The following ODF1 variants were observed in gnomAD, a reference collection of about 807,000 sequenced individuals.
ODF1 encodes outer dense fiber protein 1.
A neutral mutation model predicts 24.0 loss-of-function variants in ODF1; 10 were observed. That is an observed-to-expected ratio of 0.42 (90% CI 0.26 to 0.71). ODF1 has a LOEUF of 0.71. Ranked by LOEUF, ODF1 falls within the 30% of genes least tolerant of loss-of-function variation. The pLI, the probability that ODF1 is intolerant of heterozygous loss-of-function variation, is 0.28. For synonymous variants in ODF1, 118 were observed against 121.3 expected (o/e 0.97, Z 0.18); for missense variants, 282 against 307.9 (o/e 0.92, Z 0.63).
chr8:102,556,286 T>A (rs2511707), intron 1 of ODF1, among the ~76,000 whole-genome samples: 132,104 of 152,150 alleles, frequency 0.87, 57,851 homozygotes, highest in African/African-American at 0.95. Context: ...GTGGTTCTCG[T>A]AGTGTGGCCC....
chr8:102,554,958 A>C (rs960065173), intron 1 of ODF1, among the ~76,000 whole-genome samples: 5 of 152,144 alleles, frequency 3.3e-5, no homozygotes, highest in Non-Finnish European at 1.5e-5. Flanking sequence ...ACCCTGTTTC[A>C]AAAAATAAAT....
At chr8:102,553,616 TCTC>T (rs1432207922) in intron 1 of ODF1, among the ~76,000 whole-genome samples, 1 of 152,178 alleles carries the variant, frequency 6.6e-6, no homozygotes, top group Non-Finnish European at 1.5e-5. Flanking sequence ...CAGTATCCAC[TCTC>T]CTCCTACTTT....
chr8:102,552,732 A>C (rs1389903335), intron 1 of ODF1, among the ~76,000 whole-genome samples: 1 of 152,230 alleles, frequency 6.6e-6, no homozygotes. Context: ...TTTTAAAAAA[A>C]TTTTTGTTTT....
intron 1 of ODF1, among the ~76,000 whole-genome samples, chr8:102,555,958 A>G (rs1190261107): frequency 6.6e-6 from 1 of 152,166 alleles, no homozygotes; most frequent in African/African-American, 2.4e-5. Flanking sequence ...GGCCAAATGC[A>G]TTGGTATGAT....
chr8:102,558,686 C>G (rs1414323914), intron 1 of ODF1, among the ~76,000 whole-genome samples: 2 of 151,838 alleles, frequency 1.3e-5, no homozygotes, highest in Non-Finnish European at 2.9e-5. Context: ...AAAATCAGTA[C>G]GTATAGCATG....
chr8:102,558,966 A>C (rs1345905314), intron 1 of ODF1, among the ~76,000 whole-genome samples: 1 of 151,504 alleles, frequency 6.6e-6, no homozygotes, highest in African/African-American at 2.4e-5. Flanking sequence ...ATATAGTGAT[A>C]ATTACATCTG....
rs577128090 is a variant in ODF1 at position 102,558,946 on chromosome 8, T to C, written c.321-1506T>C. 2.9e-3 allele frequency among the ~76,000 whole-genome samples: 439 copies of C among 151,108 alleles called. 27 individuals carry two copies. Among genetic ancestry groups the C allele is most frequent in the African/African-American group, 0.01 (427 of 40,726 alleles). On this transcript the variant is annotated intron_variant, in intron 1 of 1. Transcript: ENST00000285402. ...GTAACTGCATAAACAAAATTCAACATACAAAAGTGATATAGTGATAATTAC... is the reference window on the plus strand; with the variant it reads ...GTAACTGCATAAACAAAATTCAACACACAAAAGTGATATAGTGATAATTAC...
Position 102,560,696 on chromosome 8 carries a change from T to A in ODF1, c.565T>A (p.Ser189Thr), listed in dbSNP as rs1340679185. ...PCVDEKDVTYSYGLGSCVKIE... is the reference protein window; with the variant it reads ...PCVDEKDVTYTYGLGSCVKIE... ...TGTGGATGAGAAGGATGTAACATACTCCTATGGGCTCGGCAGCTGTGTCAA... is the reference window on the plus strand; with the variant it reads ...TGTGGATGAGAAGGATGTAACATACACCTATGGGCTCGGCAGCTGTGTCAA... The change falls in exon 2 of 2, where the codon TCC becomes ACC. Residue 189 changes from serine to threonine, a missense_variant. Ser to Thr is a moderately conservative substitution (Grantham distance 58, BLOSUM62 1). Transcript: ENST00000285402. The A allele has an allele frequency of 6.2e-7, 1 of 1,614,106 alleles. No individual in the cohort carries two copies. Among genetic ancestry groups the A allele is most frequent in the African/African-American group, 1.3e-5 (1 of 75,026 alleles).
At chr8:102,553,010 A>AGATAGAT (rs869144606) in intron 1 of ODF1, among the ~76,000 whole-genome samples, 1 of 114,992 alleles carries the variant, frequency 8.7e-6, no homozygotes, top group Non-Finnish European at 1.9e-5. Context: ...ATAGATAGAT[A>AGATAGAT]GATAGATGAT....
At chr8:102,553,040 A>G (rs1364841549) in intron 1 of ODF1, among the ~76,000 whole-genome samples, 1 of 151,666 alleles carries the variant, frequency 6.6e-6, no homozygotes, top group Non-Finnish European at 1.5e-5. Context: ...GAGTCTCTTG[A>G]CAACAGTGAC....
chr8:102,555,685 C>T (rs543038410), intron 1 of ODF1, among the ~76,000 whole-genome samples: 3 of 152,298 alleles, frequency 2.0e-5, no homozygotes, highest in African/African-American at 7.2e-5. Context: ...CAGGTCTAAG[C>T]CCTCAGAGAA....
In ODF1 at chr8:102,560,836, G is replaced by A. The variant is rs149486756; in HGVS notation, c.705G>A (p.Pro235=). ...GCAGCCCATATGATCCTTGCAACCC[G>A]TGTTATCCCTGTGGAAGCCGATTTT... ...NPCSPYDPCN[P]CYPCGSRFSC... Residue 235 remains proline, a synonymous_variant, in exon 2 of 2, where the codon CCG becomes CCA. Coordinates refer to ENST00000285402, the MANE Select transcript of ODF1 (RefSeq NM_024410.4). The A allele has an allele frequency of 1.8e-4, 293 of 1,613,388 alleles. 2 individuals carry two copies. The Middle Eastern group carries it at 2.3e-3, about 13-fold the overall frequency.
Position 102,551,600 on chromosome 8 carries a change from T to G in ODF1, c.-128T>G. ...GGTGGTGAGGTCATAGAACACAAGCTTTAAAGTAAGTGAATCATGTGTGCC... is the reference window on the plus strand; with the variant it reads ...GGTGGTGAGGTCATAGAACACAAGCGTTAAAGTAAGTGAATCATGTGTGCC... On this transcript the variant is annotated 5_prime_UTR_variant, in exon 1 of 2. Coordinates refer to ENST00000285402, the MANE Select transcript of ODF1 (RefSeq NM_024410.4). 1 of 699,880 alleles carries G rather than the reference T, an allele frequency of 1.4e-6. No homozygotes were observed. Among genetic ancestry groups the G allele is most frequent in the Non-Finnish European group, 2.4e-6 (1 of 424,452 alleles). The allele number at this position is 699,880 out of a possible 1,614,324, so 43.4% of individuals were successfully genotyped here. A position where few individuals can be genotyped will look rare whatever the true frequency, so the allele number is the denominator to read the frequency against.
intron 1 of ODF1, among the ~76,000 whole-genome samples, chr8:102,552,558 C>T (rs1040043251): frequency 6.6e-6 from 1 of 152,122 alleles, no homozygotes; most frequent in African/African-American, 2.4e-5. Flanking sequence ...TATCCCCCCA[C>T]TCCAGGCAAA....
At chr8:102,558,787 C>A (rs1325595891) in intron 1 of ODF1, among the ~76,000 whole-genome samples, 3 of 147,558 alleles carry the variant, frequency 2.0e-5, no homozygotes, top group African/African-American at 8.1e-5. Context: ...CACACACACA[C>A]TCACATAAAG....
At chr8:102,554,905 C>T (rs1826093506) in intron 1 of ODF1, among the ~76,000 whole-genome samples, 1 of 152,088 alleles carries the variant, frequency 6.6e-6, no homozygotes, top group Non-Finnish European at 1.5e-5. Flanking sequence ...CTGCGGTAAG[C>T]CATGATTATG....
Position 102,551,713 on chromosome 8 carries a change from T to G in ODF1, c.-15T>G. 6.4e-7 allele frequency: 1 copy of G among 1,559,828 alleles called. No homozygotes were observed. Among genetic ancestry groups the G allele is most frequent in the Non-Finnish European group, 8.7e-7 (1 of 1,146,334 alleles). Reference sequence around the variant, plus strand: ...TTTCCCAAAGGTACTCACAGAACAATCAGGTGTGACCATAATGGCTGCACT... The same window carrying G: ...TTTCCCAAAGGTACTCACAGAACAAGCAGGTGTGACCATAATGGCTGCACT... On this transcript the variant is annotated 5_prime_UTR_variant, in exon 1 of 2. Transcript: ENST00000285402.
intron 1 of ODF1, among the ~76,000 whole-genome samples, chr8:102,559,227 T>A (rs1826149757): frequency 6.6e-6 from 1 of 151,402 alleles, no homozygotes; most frequent in African/African-American, 2.5e-5. Flanking sequence ...TATCCACATG[T>A]TAGAGCCAAG....
At chr8:102,552,332 CAG>C (rs780057650) in intron 1 of ODF1, among the ~76,000 whole-genome samples, 14 of 151,836 alleles carry the variant, frequency 9.2e-5, no homozygotes, top group Non-Finnish European at 2.1e-4. Flanking sequence ...AGGGAAGAAA[CAG>C]GGGGTGTCAT....
Sources: gnomAD v4.1 joint callset for allele counts (sites outside exome capture counted in the v4.1 genomes callset) on GRCh38, gnomAD v4.1.1 for gene constraint, MANE v1.5 for transcripts, NCBI Gene and HGNC (gene_info 2026-07-23, HGNC 2026-07-21) for gene names.